AKAP6: variants seen among roughly 807,000 people sequenced by gnomAD.
The protein encoded by AKAP6 is A-kinase anchor protein 6.
A neutral mutation model predicts 188.5 loss-of-function variants in AKAP6; 58 were observed. The observed-to-expected ratio is 0.31, with a 90% CI of 0.25 to 0.38. AKAP6 has a LOEUF of 0.38. Ranked by LOEUF, AKAP6 falls within the 10% of genes least tolerant of loss-of-function variation. AKAP6 has a pLI of 1.00. For synonymous variants in AKAP6, 989 were observed against 998.6 expected (o/e 0.99, Z 0.18); for missense variants, 2,710 against 2,740.0 (o/e 0.99, Z 0.24).
chr14:32,578,224 G>A (rs946970022), intron 5 of AKAP6, among the ~76,000 whole-genome samples: 2 of 152,090 alleles, frequency 1.3e-5, no homozygotes, highest in African/African-American at 2.4e-5. Flanking sequence ...GAGATGGAGA[G>A]GGAGAAAAGA....
intron 2 of AKAP6, among the ~76,000 whole-genome samples, chr14:32,469,744 G>T (rs1878669134): frequency 7.0e-6 from 1 of 143,042 alleles, no homozygotes; most frequent in Non-Finnish European, 1.5e-5. Flanking sequence ...ACTTGTCTTG[G>T]CTCGTCAGCC....
intron 2 of AKAP6, among the ~76,000 whole-genome samples, chr14:32,505,292 CCAGGCTTAGCAGG>C (rs1195252723): frequency 6.6e-6 from 1 of 150,752 alleles, no homozygotes; most frequent in Non-Finnish European, 1.5e-5. Flanking sequence ...CTGATGTTGG[CCAGGCTTAGCAGG>C]CAAGTTCCTT....
chr14:32,778,100 A>G (rs1005675387), intron 12 of AKAP6, among the ~76,000 whole-genome samples: 3 of 152,206 alleles, frequency 2.0e-5, no homozygotes, highest in South Asian at 2.1e-4. Flanking sequence ...CAGAGAAAAT[A>G]TCATTCAAAA....
intron 12 of AKAP6, among the ~76,000 whole-genome samples, chr14:32,789,172 T>G (rs2033529136): frequency 6.6e-6 from 1 of 152,142 alleles, no homozygotes; most frequent in African/African-American, 2.4e-5. Flanking sequence ...GATCTCCCTG[T>G]GGAGGCTTTA....
intron 12 of AKAP6, among the ~76,000 whole-genome samples, chr14:32,791,959 T>A (rs895215903): frequency 3.9e-5 from 6 of 152,138 alleles, no homozygotes; most frequent in Non-Finnish European, 7.4e-5. Context: ...CTGAGGCCTC[T>A]GTTCTTTTCT....
intron 11 of AKAP6, among the ~76,000 whole-genome samples, chr14:32,766,054 CTTTCTG>C (rs755112818): frequency 6.6e-6 from 1 of 152,154 alleles, no homozygotes; most frequent in Non-Finnish European, 1.5e-5. Context: ...CACTATTCCA[CTTTCTG>C]TTTCTATGTA....
At chr14:32,673,722 G>A (rs1307519625) in intron 7 of AKAP6, among the ~76,000 whole-genome samples, 1 of 152,102 alleles carries the variant, frequency 6.6e-6, no homozygotes, top group Admixed American at 6.6e-5. Context: ...GCAGTAGAGT[G>A]AGACTCCATC....
At chr14:32,411,159 G>A (rs1379325892) in intron 1 of AKAP6, among the ~76,000 whole-genome samples, 1 of 152,084 alleles carries the variant, frequency 6.6e-6, no homozygotes, top group Non-Finnish European at 1.5e-5. Context: ...ATGAGTAGAG[G>A]CCACAGGTAC....
chr14:32,735,940 T>C, intron 11 of AKAP6, 58 bp downstream of exon 11: 4 of 1,306,176 alleles, frequency 3.1e-6, no homozygotes, highest in Non-Finnish European at 4.3e-6. Context: ...GGATGAAATA[T>C]TTATCAAGTA....
rs200344461 is a variant in AKAP6 at position 32,508,831 on chromosome 14, CT to C, written c.325-26710del. On this transcript the variant is annotated intron_variant, in intron 2 of 13. Coordinates refer to ENST00000280979, the MANE Select transcript of AKAP6 (RefSeq NM_004274.5). ...TCGGTGGTTGTTTATTGAGTACCTACTTTTTTTTTTTTTGATACGGAGTCTC... is the reference window on the plus strand; with the variant it reads ...TCGGTGGTTGTTTATTGAGTACCTACTTTTTTTTTTTTGATACGGAGTCTC... 5.4e-3 allele frequency among the ~76,000 whole-genome samples: 793 copies of C among 145,956 alleles called. 9 individuals are homozygous for C. The highest frequency in any genetic ancestry group is 0.021 in the Middle Eastern group (6 of 282).
intron 2 of AKAP6, among the ~76,000 whole-genome samples, chr14:32,479,521 T>G (rs1241818868): frequency 6.6e-6 from 1 of 152,186 alleles, no homozygotes; most frequent in Non-Finnish European, 1.5e-5. Flanking sequence ...TCCTGAATAG[T>G]TTTTTGTGTG....
At chr14:32,501,715 A>C (rs1880617697) in intron 2 of AKAP6, among the ~76,000 whole-genome samples, 1 of 152,190 alleles carries the variant, frequency 6.6e-6, no homozygotes, top group African/African-American at 2.4e-5. Flanking sequence ...AGAAAATGTA[A>C]GTAGATGCGA....
chr14:32,816,458 A>G (rs1042883485), intron 12 of AKAP6, among the ~76,000 whole-genome samples: 10 of 152,210 alleles, frequency 6.6e-5, no homozygotes, highest in African/African-American at 2.4e-4. Context: ...AGCCTCTCAA[A>G]GTGCTGGAAT....
chr14:32,337,102 A>C (rs998535226), intron 1 of AKAP6, among the ~76,000 whole-genome samples: 1 of 152,202 alleles, frequency 6.6e-6, no homozygotes, highest in African/African-American at 2.4e-5. Context: ...TCAGTCTTGC[A>C]GGCAGCCTAT....
intron 12 of AKAP6, among the ~76,000 whole-genome samples, chr14:32,798,006 G>A (rs1371495969): frequency 2.7e-5 from 4 of 147,996 alleles, no homozygotes; most frequent in Non-Finnish European, 4.5e-5. Flanking sequence ...TGTGACAAAG[G>A]TCTAATATCC....
chr14:32,705,003 A>G (rs17099466), intron 9 of AKAP6, among the ~76,000 whole-genome samples: 5,405 of 152,282 alleles, frequency 0.035, 322 homozygotes, highest in African/African-American at 0.12. Context: ...GTACCTGTTC[A>G]GAATAGATGG....
At chr14:32,395,475 G>C (rs1350140801) in intron 1 of AKAP6, among the ~76,000 whole-genome samples, 1 of 152,074 alleles carries the variant, frequency 6.6e-6, no homozygotes. Context: ...AGAATTAATG[G>C]AATTTGGGGG....
intron 9 of AKAP6, among the ~76,000 whole-genome samples, chr14:32,708,017 G>A (rs1450761911): frequency 1.3e-5 from 2 of 151,972 alleles, no homozygotes; most frequent in Non-Finnish European, 2.9e-5. Flanking sequence ...ATAATTCTAT[G>A]GCTAGTCTCC....
intron 8 of AKAP6, among the ~76,000 whole-genome samples, chr14:32,686,447 T>C (rs934609481): frequency 6.6e-6 from 1 of 152,084 alleles, no homozygotes; most frequent in African/African-American, 2.4e-5. Context: ...AAGAGTATAA[T>C]TGGATTGTTT....
Sources: gnomAD v4.1 joint callset for allele counts (sites outside exome capture counted in the v4.1 genomes callset) on GRCh38, gnomAD v4.1.1 for gene constraint, MANE v1.5 for transcripts, NCBI Gene and HGNC (gene_info 2026-07-23, HGNC 2026-07-21) for gene names.